The following TENM2 variants were observed in gnomAD, a reference collection of about 807,000 sequenced individuals.
TENM2 encodes the protein teneurin-2.
Under a neutral mutation model 245.2 loss-of-function variants are expected in TENM2, and 52 were observed. The ratio of observed to expected loss-of-function variants is 0.21; its 90% CI spans 0.17 to 0.27. The LOEUF is 0.27. TENM2 is among the 10% of genes least tolerant of loss of function. TENM2 has a pLI of 1.00. For synonymous variants in TENM2, 1,363 were observed against 1,438.9 expected (o/e 0.95, Z 1.19); for missense variants, 3,046 against 3,666.8 (o/e 0.83, Z 4.37).
Position 168,124,833 on chromosome 5 carries a change from GT to G in TENM2, c.2009-12del. The G allele has an allele frequency of 6.3e-7, 1 of 1,593,872 alleles. No homozygotes were observed. The highest frequency in any genetic ancestry group is 8.6e-7 in the Non-Finnish European group (1 of 1,168,794). Reference sequence around the variant, plus strand: ...TTAATACTTTTATTCTTTGGTTTTTGTTTTTGTTTTTTTCAGTTGATTGCTT... The same window carrying G: ...TTAATACTTTTATTCTTTGGTTTTTGTTTTGTTTTTTTCAGTTGATTGCTT... On this transcript the variant is annotated splice_polypyrimidine_tract_variant and intron_variant, in intron 10 of 28. Coordinates refer to ENST00000518659, the Ensembl canonical transcript of TENM2.
intron 21 of TENM2, among the ~76,000 whole-genome samples, chr5:168,216,035 A>G (rs185426625): frequency 2.7e-4 from 41 of 152,380 alleles, no homozygotes; most frequent in Admixed American, 1.7e-3. Flanking sequence ...CTATTTGAAA[A>G]GGACTAAAAA....
intron 3 of TENM2, among the ~76,000 whole-genome samples, chr5:167,946,135 G>A (rs1465227725): frequency 6.6e-6 from 1 of 152,230 alleles, no homozygotes; most frequent in Non-Finnish European, 1.5e-5. Context: ...GAAGGAGGAA[G>A]CAAGGTCATT....
Position 168,154,147 on chromosome 5 carries a change from T to TAAAAAAAAAAAAAAAAAAAAAAAAAAAA in TENM2, c.2423-8445_2423-8444insAAAAAAAAAAAAAAAAAAAAAAAAAAAA, listed in dbSNP as rs70976465. ...CATTTCCTCACATGATCACCTACTT[T>TAAAAAAAAAAAAAAAAAAAAAAAAAAAA]AAAAAAAAAAAAAAAAAAACAGTAA... is the stretch of plus-strand genomic sequence containing the variant. On this transcript the variant is annotated intron_variant, in intron 12 of 28. Transcript: ENST00000518659. Among the ~76,000 whole-genome samples, 15 of 85,064 alleles carry TAAAAAAAAAAAAAAAAAAAAAAAAAAAA rather than the reference T, an allele frequency of 1.8e-4. 1 individual carries two copies. Among genetic ancestry groups the TAAAAAAAAAAAAAAAAAAAAAAAAAAAA allele is most frequent in the Non-Finnish European group, 3.0e-4 (12 of 39,496 alleles). The allele number at this position is 85,064 out of a possible 152,430, so 55.8% of individuals were successfully genotyped here.
At chr5:167,726,857 G>A (rs1450739139) in intron 2 of TENM2, among the ~76,000 whole-genome samples, 1 of 152,092 alleles carries the variant, frequency 6.6e-6, no homozygotes, top group African/African-American at 2.4e-5. Flanking sequence ...ACAGATGCCT[G>A]CAACATTCCT....
chr5:167,870,569 A>ATATATATATATATATG (rs372917707), intron 2 of TENM2, among the ~76,000 whole-genome samples: 50 of 142,426 alleles, frequency 3.5e-4, no homozygotes, highest in African/African-American at 1.3e-3. Flanking sequence ...ATATATATAT[A>ATATATATATATATATG]TGTGTGTGTA....
chr5:168,042,658 T>C (rs1172496216), intron 5 of TENM2, among the ~76,000 whole-genome samples: 3 of 152,230 alleles, frequency 2.0e-5, no homozygotes, highest in Admixed American at 6.5e-5. Flanking sequence ...CAGTATTGCC[T>C]TTGGAACCCA....
rs147406925 is a variant in TENM2, at chr5:168,219,573, G to T, written c.5108+574G>T. Among the ~76,000 whole-genome samples, 677 of 152,194 alleles carry T rather than the reference G, an allele frequency of 4.4e-3. 3 individuals carry two copies. The highest frequency in any genetic ancestry group is 0.015 in the African/African-American group (643 of 41,520). On this transcript the variant is annotated intron_variant, in intron 23 of 28. Coordinates refer to ENST00000518659, the Ensembl canonical transcript of TENM2. Reference sequence around the variant, plus strand: ...GTTTTGCAAAAAGCTGTTTTTCCTAGCTCCTGCAGGCAGTTCTTGGTCAAA... The same window carrying T: ...GTTTTGCAAAAAGCTGTTTTTCCTATCTCCTGCAGGCAGTTCTTGGTCAAA...
chr5:167,365,411 A>C (rs1759987115), intron 1 of TENM2, among the ~76,000 whole-genome samples: 1 of 151,946 alleles, frequency 6.6e-6, no homozygotes, highest in Non-Finnish European at 1.5e-5. Flanking sequence ...TTAAGTAGAA[A>C]TAAATAAGAT....
the TENM2 span, among the ~76,000 whole-genome samples, chr5:167,042,040 C>A: frequency 1.3e-5 from 2 of 152,234 alleles, no homozygotes; most frequent in South Asian, 4.1e-4. Context: ...GACCAATGTG[C>A]TGGGGGAGAA....
rs1759905432 is a variant in TENM2, at chr5:167,364,267, T to C, written c.227-10931T>C. On this transcript the variant is annotated intron_variant, in intron 1 of 28. Transcript: ENST00000518659. ...GAATGCTAAATAGACTGGTACAACA[T>C]ACGTATTGTAGTCCTTAGAGCACCA... 2.0e-5 allele frequency among the ~76,000 whole-genome samples: 3 copies of C among 152,038 alleles called. No homozygotes were observed. The South Asian group carries it at 6.2e-4, about 31-fold the overall frequency.
intron 3 of TENM2, among the ~76,000 whole-genome samples, chr5:167,905,470 G>C (rs371600793): frequency 6.6e-6 from 1 of 152,300 alleles, no homozygotes; most frequent in South Asian, 2.1e-4. Flanking sequence ...CTGGGCTAAG[G>C]CTGAGATTTT....
chr5:167,306,316 ATCTC>A (rs1755672721), intron 1 of TENM2: 1 of 152,182 alleles, frequency 6.6e-6, no homozygotes, highest in Non-Finnish European at 1.5e-5. Context: ...GTTGTACTTT[ATCTC>A]AAACCAGATG....
At chr5:167,227,344 G>T in the TENM2 span, among the ~76,000 whole-genome samples, 1 of 151,894 alleles carries the variant, frequency 6.6e-6, no homozygotes, top group Non-Finnish European at 1.5e-5. Context: ...TGTGTGTTTG[G>T]TTTATCAGTA....
Position 167,430,936 on chromosome 5 carries a change from G to A in TENM2, c.502+55463G>A, listed in dbSNP as rs186087486. ...TCTACTGCTATGTCATATTTCCAAT[G>A]TTTCTATGCAAGCCAATCACTTTAT... is the stretch of plus-strand genomic sequence containing the variant. On this transcript the variant is annotated intron_variant, in intron 2 of 28. Coordinates refer to ENST00000518659, the Ensembl canonical transcript of TENM2. 4.8e-4 allele frequency among the ~76,000 whole-genome samples: 73 copies of A among 152,200 alleles called. 1 individual carries two copies. In the East Asian group the frequency reaches 0.01, roughly 22 times the overall value.
intron 2 of TENM2, among the ~76,000 whole-genome samples, chr5:167,537,523 C>T (rs889159701): frequency 3.9e-5 from 6 of 152,182 alleles, no homozygotes; most frequent in Non-Finnish European, 8.8e-5. Flanking sequence ...TGACTAAAAG[C>T]AGAGAAACAA....
chr5:167,139,098 C>T, the TENM2 span, among the ~76,000 whole-genome samples: 1 of 152,210 alleles, frequency 6.6e-6, no homozygotes, highest in African/African-American at 2.4e-5. Flanking sequence ...AAGACACAGA[C>T]TCATTTTCTT....
the TENM2 span, among the ~76,000 whole-genome samples, chr5:167,018,827 C>G: frequency 1.3e-5 from 2 of 152,194 alleles, no homozygotes; most frequent in African/African-American, 4.8e-5. Flanking sequence ...CGGATCTATC[C>G]TGAAAAGAAG....
At chr5:167,347,802 T>C (rs2127831666) in intron 1 of TENM2, among the ~76,000 whole-genome samples, 1 of 152,310 alleles carries the variant, frequency 6.6e-6, no homozygotes, top group African/African-American at 2.4e-5. Context: ...CCAGTACTGT[T>C]GTAGGTGCTG....
chr5:168,073,368 C>G (rs1791188447), intron 7 of TENM2, among the ~76,000 whole-genome samples: 1 of 152,180 alleles, frequency 6.6e-6, no homozygotes, highest in Admixed American at 6.5e-5. Flanking sequence ...GTGAGTTAAG[C>G]AGGCAAGGAG....
Sources: gnomAD v4.1 joint callset for allele counts (sites outside exome capture counted in the v4.1 genomes callset) on GRCh38, gnomAD v4.1.1 for gene constraint, MANE v1.5 for transcripts, NCBI Gene and HGNC (gene_info 2026-07-23, HGNC 2026-07-21) for gene names.